The following NRXN1 variants were observed in gnomAD, a reference collection of about 807,000 sequenced individuals.
NRXN1 encodes neurexin-1.
A neutral mutation model predicts 150.9 loss-of-function variants in NRXN1; 39 were observed. The ratio of observed to expected loss-of-function variants is 0.26; its 90% confidence interval spans 0.20 to 0.34. The LOEUF (loss-of-function observed/expected upper bound fraction) is 0.34. NRXN1 is among the 10% of genes least tolerant of loss of function. NRXN1 has a pLI of 1.00. For synonymous variants in NRXN1, 924 were observed against 757.0 expected (o/e 1.22, Z -3.62); for missense variants, 1,815 against 1,949.9 (o/e 0.93, Z 1.30).
chr2:50,152,193 C>T (rs2058737034), intron 18 of NRXN1, among the ~76,000 whole-genome samples: 1 of 151,744 alleles, frequency 6.6e-6, no homozygotes, highest in South Asian at 2.1e-4. Context: ...TAAACAATAA[C>T]TACCCATTTC....
chr2:50,624,482 A>C (rs186774670), intron 5 of NRXN1, among the ~76,000 whole-genome samples: 1 of 152,264 alleles, frequency 6.6e-6, no homozygotes, highest in Non-Finnish European at 1.5e-5. Context: ...TTTATGTTCA[A>C]AGATCTTTTT....
chr2:50,158,472 T>C (rs919510624), intron 18 of NRXN1, among the ~76,000 whole-genome samples: 1 of 151,726 alleles, frequency 6.6e-6, no homozygotes, highest in Non-Finnish European at 1.5e-5. Context: ...CTAACACAAC[T>C]GGAAAAGGAA....
intron 17 of NRXN1, among the ~76,000 whole-genome samples, chr2:50,387,324 G>A (rs2081392097): frequency 6.6e-6 from 1 of 152,090 alleles, no homozygotes. Context: ...GGTGGGTGGG[G>A]TAAATTGATG....
chr2:49,926,778 TG>T (rs1669185454), intron 22 of NRXN1, among the ~76,000 whole-genome samples: 1 of 152,190 alleles, frequency 6.6e-6, no homozygotes, highest in Non-Finnish European at 1.5e-5. Context: ...ACAGTATCTG[TG>T]AAAGAACATC....
chr2:50,562,555 G>C (rs1414028656), intron 8 of NRXN1, among the ~76,000 whole-genome samples: 3 of 151,972 alleles, frequency 2.0e-5, no homozygotes, highest in Non-Finnish European at 4.4e-5. Flanking sequence ...TTTATTACTT[G>C]ATTATATTTA....
chr2:50,348,917 A>G (rs765721057), intron 17 of NRXN1, among the ~76,000 whole-genome samples: 1 of 151,986 alleles, frequency 6.6e-6, no homozygotes, highest in Non-Finnish European at 1.5e-5. Context: ...CTAGCTTCTC[A>G]CCATCTACAT....
chr2:49,943,833 T>G (rs1444626208), intron 21 of NRXN1, 42 bp from the exon 22 acceptor site: 15 of 1,370,640 alleles, frequency 1.1e-5, no homozygotes, highest in Non-Finnish European at 1.6e-5. Context: ...TAAAGGGTCC[T>G]AACAGATTCT....
intron 17 of NRXN1, among the ~76,000 whole-genome samples, chr2:50,242,099 T>C (rs1481475469): frequency 2.0e-5 from 3 of 151,858 alleles, no homozygotes; most frequent in Non-Finnish European, 4.4e-5. Context: ...ATTATGTTTC[T>C]ATTAATAAAT....
At position 50,618,038 on chromosome 2, in the gene NRXN1, C is replaced by T. The variant is rs76910794; in HGVS notation, c.1320+1984G>A. Among the ~76,000 whole-genome samples, 680 of 152,144 alleles carry T rather than the reference C, an allele frequency of 4.5e-3. 10 individuals carry two copies. In the East Asian group the frequency reaches 0.066, roughly 15 times the overall value. On this transcript the variant is annotated intron_variant, in intron 8 of 22. Coordinates refer to ENST00000401669, the MANE Select transcript of NRXN1 (RefSeq NM_001330078.2). ...GCCCAAGAGTTCTTTAGTTAGATTCCCATTTCTGCTAGAGTTCCCTCGATT... is the reference window on the plus strand; with the variant it reads ...GCCCAAGAGTTCTTTAGTTAGATTCTCATTTCTGCTAGAGTTCCCTCGATT...
intron 12 of NRXN1, among the ~76,000 whole-genome samples, chr2:50,515,650 C>A (rs1046599870): frequency 2.8e-5 from 4 of 141,794 alleles, no homozygotes; most frequent in Admixed American, 2.7e-4. Flanking sequence ...TGTCTGCATG[C>A]ACCTTTGTTA....
At chr2:50,788,042 C>T (rs548800388) in intron 5 of NRXN1, among the ~76,000 whole-genome samples, 9 of 151,680 alleles carry the variant, frequency 5.9e-5, no homozygotes, top group Non-Finnish European at 1.2e-4. Flanking sequence ...AAGGTAAATA[C>T]GGCTTTACAA....
At chr2:50,925,840 A>C in intron 3 of NRXN1, 98 bp downstream of exon 3, 1 of 897,872 alleles carries the variant, frequency 1.1e-6, no homozygotes, top group Non-Finnish European at 1.8e-6. Flanking sequence ...ATGTTCAGAA[A>C]GAAGTTCAAC....
intron 18 of NRXN1, among the ~76,000 whole-genome samples, chr2:50,223,050 T>C (rs866347807): frequency 6.6e-5 from 10 of 151,938 alleles, no homozygotes; most frequent in African/African-American, 2.4e-4. Flanking sequence ...CTTTCATCCG[T>C]AGGCAACAAA....
chr2:50,659,655 T>C (rs914287750), intron 5 of NRXN1, among the ~76,000 whole-genome samples: 2 of 151,872 alleles, frequency 1.3e-5, no homozygotes, highest in African/African-American at 4.8e-5. Context: ...ACAGTGTAAG[T>C]TGAATATTCA....
At chr2:50,847,681 G>A (rs1341481439) in intron 5 of NRXN1, among the ~76,000 whole-genome samples, 1 of 152,158 alleles carries the variant, frequency 6.6e-6, no homozygotes, top group Admixed American at 6.5e-5. Context: ...AGCAGAAGAC[G>A]ACACAAGCTG....
At chr2:50,178,939 T>C (rs934117716) in intron 18 of NRXN1, among the ~76,000 whole-genome samples, 1 of 152,132 alleles carries the variant, frequency 6.6e-6, no homozygotes, top group South Asian at 2.1e-4. Context: ...CTGTCTTCCA[T>C]TTCAAAGTGC....
At chr2:50,012,447 CA>C (rs1685856532) in intron 21 of NRXN1, among the ~76,000 whole-genome samples, 1 of 151,978 alleles carries the variant, frequency 6.6e-6, no homozygotes, top group South Asian at 2.1e-4. Context: ...ATCTCTTCAC[CA>C]ATTCTATTAT....
At position 51,027,828 on chromosome 2, in the gene NRXN1, A is replaced by G. The variant is rs759122060; in HGVS notation, c.446T>C (p.Val149Ala). The G allele has an allele frequency of 1.6e-5, 26 of 1,613,234 alleles. No individual in the cohort carries two copies. In the East Asian group the frequency reaches 5.4e-4, roughly 33 times the overall value. ...CCCCCCGACGAAAAGGCCGCTGAAC[A>G]CCGTCATGTCCCTGCGCTTGGACTT... is the stretch of plus-strand genomic sequence containing the variant. ...EVKSKRRDMT[V>A]FSGLFVGGLP... Residue 149 changes from valine to alanine, a missense_variant, in exon 2 of 23, where the codon GTG becomes GCG. Physicochemically the swap from Val to Ala is moderately conservative, Grantham distance 64. Coordinates refer to ENST00000401669, the MANE Select transcript of NRXN1 (RefSeq NM_001330078.2).
At chr2:50,877,752 T>C (rs1260850263) in intron 5 of NRXN1, among the ~76,000 whole-genome samples, 3 of 151,958 alleles carry the variant, frequency 2.0e-5, no homozygotes, top group Non-Finnish European at 4.4e-5. Context: ...AATAATATTC[T>C]ACTCATAAAA....
Sources: allele counts gnomAD v4.1 joint callset (sites outside exome capture counted in the v4.1 genomes callset), GRCh38; gene constraint gnomAD v4.1.1; transcripts MANE v1.5; gene names NCBI Gene and HGNC (gene_info 2026-07-23, HGNC 2026-07-21).